HERC6: variants seen among roughly 807,000 people sequenced by gnomAD.
HERC6 encodes HECT and RLD domain containing E3 ubiquitin protein ligase family member 6.
In HERC6, 101 loss-of-function variants were observed where a neutral mutation model predicts 114.5. That is an observed-to-expected ratio of 0.88 (90% confidence interval 0.75 to 1.04). The LOEUF is 1.04. HERC6 is among the 50% of genes least tolerant of loss of function. HERC6 has a pLI of 0.00. For missense variants in HERC6, 1,133 were observed against 1,230.9 expected (o/e 0.92, Z 1.19); for synonymous variants, 408 against 436.2 (o/e 0.94, Z 0.81).
rs1737423471 is a variant in HERC6 at position 88,424,680 on chromosome 4, C to G, written c.1913C>G (p.Ala638Gly). The G allele has an allele frequency of 6.2e-7, 1 of 1,603,320 alleles. No homozygotes were observed. The part of the protein sequence containing the change: ...NSLSKIKLLQ[A>G]DSHIKMQMSE... ...CTATCCAAAATTAAATTATTGCAAG[C>G]TGATTCACATATAAAGATGCAGGTA... Residue 638 changes from alanine to glycine, a missense_variant, in exon 15 of 23, where the codon GCT (alanine) becomes GGT (glycine). Transcript: ENST00000264346.
At chr4:88,439,045 A>G (rs777229335) in intron 20 of HERC6, among the ~76,000 whole-genome samples, 1 of 152,224 alleles carries the variant, frequency 6.6e-6, no homozygotes, top group African/African-American at 2.4e-5. Context: ...ACAAAGTGAC[A>G]TGTGTTGTGA....
At chr4:88,383,191 T>C (rs1355722261) in intron 1 of HERC6, 30 bp from the exon 2 acceptor site, 1 of 1,600,848 alleles carries the variant, frequency 6.2e-7, no homozygotes, top group Non-Finnish European at 8.5e-7. Context: ...GCAGTGGTGG[T>C]TGGGGGGTGT....
chr4:88,407,833 G>A (rs568749689), intron 10 of HERC6, among the ~76,000 whole-genome samples: 2 of 152,292 alleles, frequency 1.3e-5, no homozygotes, highest in Admixed American at 6.5e-5. Flanking sequence ...TGGACAAAGC[G>A]TTGGTACTGT....
intron 11 of HERC6, among the ~76,000 whole-genome samples, chr4:88,410,533 C>T (rs1736040785): frequency 6.6e-6 from 1 of 152,116 alleles, no homozygotes; most frequent in South Asian, 2.1e-4. Flanking sequence ...TCTGGGGTCT[C>T]TTTTGTAAGG....
At position 88,435,811 on chromosome 4, in the gene HERC6, C is replaced by A. The variant is rs773336342; in HGVS notation, c.2337C>A (p.Phe779Leu). ...LFNLNVANLP[F>L]PLALYKKLLD... Reference sequence around the variant, plus strand: ...ATTTAAATGTTGCTAACCTTCCTTTCCCACTGGCTCTGTATAAAAAACTTC... The same window carrying A: ...ATTTAAATGTTGCTAACCTTCCTTTACCACTGGCTCTGTATAAAAAACTTC... The change falls in exon 18 of 23, where the codon TTC becomes TTA. Residue 779 changes from phenylalanine (F) to leucine (L), a missense_variant. By Grantham distance (22) the Phe-to-Leu change is conservative. This residue lies in a region of HERC6 where 388 missense variants were observed against 445.9 expected (regional missense o/e 0.87). Transcript: ENST00000264346. The A allele has an allele frequency of 6.2e-7, 1 of 1,612,300 alleles. No homozygotes were observed. Among genetic ancestry groups the A allele is most frequent in the South Asian group, 1.1e-5 (1 of 90,856 alleles).
intron 12 of HERC6, among the ~76,000 whole-genome samples, 166 bp downstream of exon 12, chr4:88,413,432 T>C (rs558186149): frequency 7.9e-5 from 12 of 152,336 alleles, no homozygotes; most frequent in African/African-American, 2.9e-4. Flanking sequence ...AATTATTAGT[T>C]CTATCATACA....
At chr4:88,425,123 C>T (rs979277630) in intron 15 of HERC6, among the ~76,000 whole-genome samples, 6 of 152,040 alleles carry the variant, frequency 3.9e-5, no homozygotes, top group African/African-American at 1.4e-4. Context: ...AGAGCTTTTC[C>T]TTATCAGTCA....
At chr4:88,425,166 C>T (rs1737474004) in intron 15 of HERC6, among the ~76,000 whole-genome samples, 1 of 152,026 alleles carries the variant, frequency 6.6e-6, no homozygotes, top group Non-Finnish European at 1.5e-5. Flanking sequence ...GGTTAAAGAC[C>T]ATTCACATAG....
At chr4:88,402,944 T>C (rs1272553919) in intron 8 of HERC6, among the ~76,000 whole-genome samples, 1 of 152,184 alleles carries the variant, frequency 6.6e-6, no homozygotes, top group Non-Finnish European at 1.5e-5. Context: ...TTAAGAGCCG[T>C]GGTTACCTGT....
At chr4:88,392,084 C>G (rs1164685504) in intron 4 of HERC6, among the ~76,000 whole-genome samples, 5 of 81,984 alleles carry the variant, frequency 6.1e-5, no homozygotes, top group African/African-American at 2.4e-4. Flanking sequence ...CCCCTCCACT[C>G]CCCCCTCCCC....
chr4:88,410,290 C>G lies in HERC6; in HGVS notation c.1368+1673C>G, dbSNP rs1578391029. Among the ~76,000 whole-genome samples the G allele has an allele frequency of 3.3e-5, 5 of 152,232 alleles. 1 individual carries two copies. In the South Asian group the frequency reaches 1.0e-3, roughly 32 times the overall value. ...ACAACTCAAAGCAGGGAGGGGCCTT[C>G]CAGGTCTTAGGTAGATGAGAGAAAA... On this transcript the variant is annotated intron_variant, in intron 11 of 22. Coordinates refer to ENST00000264346, the MANE Select transcript of HERC6 (RefSeq NM_017912.4).
chr4:88,442,916 G>A lies in HERC6; in HGVS notation c.*456G>A, dbSNP rs988207124. The A allele has an allele frequency of 5.5e-6, 1 of 181,314 alleles. No homozygotes were observed. The highest frequency in any genetic ancestry group is 2.3e-5 in the African/African-American group (1 of 42,704). 11.2% of individuals were successfully genotyped at this position (181,314 alleles called of 1,614,324 possible). The stretch of plus-strand genomic sequence containing the variant: ...TCAGTCTCTAATTGGCTGTGAGTCA[G>A]TCTTTCATTTACATAGGGTGTAACC... On this transcript the variant is annotated 3_prime_UTR_variant, in exon 23 of 23. Transcript: ENST00000264346.
At chr4:88,411,668 G>A (rs1403185039) in intron 11 of HERC6, among the ~76,000 whole-genome samples, 1 of 152,170 alleles carries the variant, frequency 6.6e-6, no homozygotes, top group Non-Finnish European at 1.5e-5. Context: ...TGAAATCCCA[G>A]TAGCTTAACA....
intron 1 of HERC6, among the ~76,000 whole-genome samples, chr4:88,380,353 AAT>A (rs1294254998): frequency 2.5e-4 from 9 of 35,296 alleles, no homozygotes; most frequent in East Asian, 1.1e-3. Context: ...ATATAATATA[AAT>A]ATATATATAA....
At chr4:88,439,808 A>G in intron 20 of HERC6, 66 bp from the exon 21 acceptor site, 1 of 1,338,774 alleles carries the variant, frequency 7.5e-7, no homozygotes, top group East Asian at 2.6e-5. Flanking sequence ...AACAAAGTAT[A>G]AAATCTTTTA....
chr4:88,392,764 G>A (rs1734986516), intron 4 of HERC6, among the ~76,000 whole-genome samples: 1 of 152,154 alleles, frequency 6.6e-6, no homozygotes, highest in Non-Finnish European at 1.5e-5. Context: ...CTGCAGCCTT[G>A]CAAGTAACCT....
At chr4:88,440,800 A>G (rs1287631887) in intron 22 of HERC6, among the ~76,000 whole-genome samples, 1 of 152,064 alleles carries the variant, frequency 6.6e-6, no homozygotes, top group Non-Finnish European at 1.5e-5. Flanking sequence ...CAGCCTTCTT[A>G]TCTATGTTTG....
intron 4 of HERC6, among the ~76,000 whole-genome samples, chr4:88,391,753 T>C (rs2148876456): frequency 6.6e-6 from 1 of 152,280 alleles, no homozygotes. Flanking sequence ...CCAGTTCCTC[T>C]GAACACAAAA....
intron 8 of HERC6, among the ~76,000 whole-genome samples, chr4:88,399,966 C>T (rs1735448728): frequency 2.0e-5 from 3 of 152,098 alleles, no homozygotes; most frequent in Admixed American, 6.6e-5. Flanking sequence ...GAACTGCACA[C>T]AGAAAGCCTG....
Sources: allele counts gnomAD v4.1 joint callset (sites outside exome capture counted in the v4.1 genomes callset), GRCh38; gene constraint gnomAD v4.1.1; regional missense constraint gnomAD v4.1.1; transcripts MANE v1.5; gene names NCBI Gene and HGNC (gene_info 2026-07-23, HGNC 2026-07-21).